Variants in AMPH observed in about 807,000 individuals in gnomAD.
AMPH encodes amphiphysin (Stiff-Mann syndrome with breast cancer 128kD autoantigen).
Under a neutral mutation model 99.1 loss-of-function variants are expected in AMPH, and 49 were observed. The ratio of observed to expected loss-of-function variants is 0.49; its 90% CI spans 0.39 to 0.63. The LOEUF is 0.63. AMPH is among the 20% of genes least tolerant of loss of function. AMPH has a pLI of 0.00. For missense variants in AMPH, 759 were observed against 863.4 expected, an observed-to-expected ratio of 0.88 and a Z score of 1.52; for synonymous variants, 314 against 317.3, an observed-to-expected ratio of 0.99 and a Z score of 0.11.
chr7:38,612,022 C>T (rs1411256950), intron 1 of AMPH, among the ~76,000 whole-genome samples: 1 of 151,478 alleles, frequency 6.6e-6, no homozygotes, highest in Non-Finnish European at 1.5e-5. Flanking sequence ...TGATTGCTCA[C>T]TTCTGTTCCA....
chr7:38,446,290 T>A (rs180983040), intron 11 of AMPH, among the ~76,000 whole-genome samples: 3 of 152,298 alleles, frequency 2.0e-5, no homozygotes, highest in Non-Finnish European at 4.4e-5. Flanking sequence ...TAACATATGA[T>A]CTAGCTAGTT....
chr7:38,479,618 G>C (rs1788217081), intron 5 of AMPH, among the ~76,000 whole-genome samples: 1 of 152,078 alleles, frequency 6.6e-6, no homozygotes, highest in Admixed American at 6.6e-5. Context: ...CAGTGCAAAG[G>C]AAAGGAGGTG....
chr7:38,602,984 ATGT>A (rs1793303068), intron 1 of AMPH, among the ~76,000 whole-genome samples: 1 of 152,198 alleles, frequency 6.6e-6, no homozygotes, highest in Non-Finnish European at 1.5e-5. Context: ...AAAGGATATG[ATGT>A]TGTAAAGAGC....
intron 1 of AMPH, among the ~76,000 whole-genome samples, chr7:38,620,295 C>T (rs974747304): frequency 6.6e-5 from 10 of 151,496 alleles, no homozygotes; most frequent in Non-Finnish European, 1.5e-4. Context: ...CTCTGCCCCA[C>T]CCCCGTGTAC....
chr7:38,445,342 C>T (rs937764594), intron 11 of AMPH, among the ~76,000 whole-genome samples: 4 of 151,914 alleles, frequency 2.6e-5, no homozygotes, highest in Non-Finnish European at 4.4e-5. Flanking sequence ...GAAAACCTTG[C>T]GATTTTTATC....
At chr7:38,385,706 C>T (rs960258414) in intron 20 of AMPH, among the ~76,000 whole-genome samples, 1 of 152,060 alleles carries the variant, frequency 6.6e-6, no homozygotes, top group African/African-American at 2.4e-5. Context: ...AACAGTTTGC[C>T]CCAGAAAGGG....
At chr7:38,506,470 A>G (rs1472804440) in intron 2 of AMPH, among the ~76,000 whole-genome samples, 1 of 152,204 alleles carries the variant, frequency 6.6e-6, no homozygotes, top group Non-Finnish European at 1.5e-5. Flanking sequence ...AGCAAGCTCC[A>G]GAATCATTTG....
chr7:38,593,160 A>T (rs1182039991), intron 1 of AMPH, among the ~76,000 whole-genome samples: 1 of 152,228 alleles, frequency 6.6e-6, no homozygotes, highest in Non-Finnish European at 1.5e-5. Context: ...ACATGATACA[A>T]ATGAAAGGCT....
In AMPH at chr7:38,391,764, G is replaced by A. The variant is rs772663774; in HGVS notation, c.1862C>T (p.Pro621Leu). The A allele has an allele frequency of 3.1e-6, 5 of 1,613,734 alleles. No individual in the cohort carries two copies. In the South Asian group the frequency reaches 5.5e-5, roughly 18 times the overall value. ...SAREASQELP[P>L]GFLYKVETLH... The stretch of plus-strand genomic sequence containing the variant: ...TAAGAATACCTTGTAGAGAAAGCCA[G>A]GAGGCAATTCCTGAGAGGCCTCCCT... Residue 621 changes from proline to leucine, a missense_variant, in exon 19 of 21, where the codon CCT (proline) becomes CTT (leucine). This residue lies in a region of AMPH where 554 missense variants were observed against 575.6 expected (regional missense o/e 0.96). Transcript: ENST00000356264.
chr7:38,470,955 G>T (rs1281823966), intron 7 of AMPH, among the ~76,000 whole-genome samples: 1 of 152,074 alleles, frequency 6.6e-6, no homozygotes, highest in East Asian at 1.9e-4. Flanking sequence ...TGAACTTATT[G>T]TCTGATATCT....
At position 38,629,895 on chromosome 7, in the gene AMPH, A is replaced by G. The variant is rs574120579; in HGVS notation, c.69+1388T>C. Among the ~76,000 whole-genome samples, 4 of 152,262 alleles carry G rather than the reference A, an allele frequency of 2.6e-5. No individual in the cohort carries two copies. In the East Asian group the frequency reaches 5.8e-4, roughly 22 times the overall value. ...AGGAGGAGGATCACTTTAGTTCAGG[A>G]TGAGCTTGGGTAGATATTAAAAGAA... On this transcript the variant is annotated intron_variant, in intron 1 of 20. Coordinates refer to ENST00000356264, the MANE Select transcript of AMPH (RefSeq NM_001635.4).
At chr7:38,434,471 G>C (rs1373964564) in intron 12 of AMPH, among the ~76,000 whole-genome samples, 2 of 152,172 alleles carry the variant, frequency 1.3e-5, no homozygotes, top group Non-Finnish European at 2.9e-5. Flanking sequence ...CGGGCATGGT[G>C]GCTCATGCCT....
intron 11 of AMPH, among the ~76,000 whole-genome samples, chr7:38,450,830 G>A (rs1786983147): frequency 6.6e-6 from 1 of 152,102 alleles, no homozygotes; most frequent in South Asian, 2.1e-4. Context: ...CCTAAAGGGA[G>A]GGTGAACATT....
At chr7:38,514,349 T>C (rs1789656576) in intron 2 of AMPH, among the ~76,000 whole-genome samples, 1 of 152,210 alleles carries the variant, frequency 6.6e-6, no homozygotes, top group Non-Finnish European at 1.5e-5. Flanking sequence ...ACCTAAAAAC[T>C]TCCTTAAAAG....
intron 7 of AMPH, among the ~76,000 whole-genome samples, chr7:38,473,528 C>A (rs1268773966): frequency 1.3e-5 from 1 of 77,680 alleles, no homozygotes; most frequent in Admixed American, 1.6e-4. Context: ...CAAGGTGAAA[C>A]CCCGTCTCTA....
At chr7:38,521,511 A>C (rs1325130549) in intron 2 of AMPH, among the ~76,000 whole-genome samples, 2 of 152,112 alleles carry the variant, frequency 1.3e-5, no homozygotes, top group Non-Finnish European at 2.9e-5. Context: ...ACAGAGCAAG[A>C]CTCTGTCTCA....
At chr7:38,421,021 A>G (rs1199292934) in intron 16 of AMPH, 1 of 456,662 alleles carries the variant, frequency 2.2e-6, no homozygotes, top group Non-Finnish European at 4.4e-6. Flanking sequence ...GATTTCCTAG[A>G]TCAGAGGGCA....
chr7:38,408,750 CAAAA>C (rs66957354), intron 17 of AMPH, among the ~76,000 whole-genome samples: 20 of 100,694 alleles, frequency 2.0e-4, no homozygotes, highest in South Asian at 6.2e-4. Flanking sequence ...GACTCCATCA[CAAAA>C]AAAAAAAAAA....
At chr7:38,532,660 TG>T (rs760537819) in intron 2 of AMPH, among the ~76,000 whole-genome samples, 4 of 152,012 alleles carry the variant, frequency 2.6e-5, no homozygotes, top group Non-Finnish European at 5.9e-5. Flanking sequence ...CCAATGTAGT[TG>T]ATGATTTAAT....
Sources: allele counts gnomAD v4.1 joint callset (sites outside exome capture counted in the v4.1 genomes callset), GRCh38; gene constraint gnomAD v4.1.1; regional missense constraint gnomAD v4.1.1; transcripts MANE v1.5; gene names NCBI Gene and HGNC (gene_info 2026-07-23, HGNC 2026-07-21).